The following SH3GL2 variants were observed in gnomAD, a reference collection of about 807,000 sequenced individuals.
The protein encoded by SH3GL2 is endophilin-A1.
Under a neutral mutation model 46.0 loss-of-function variants are expected in SH3GL2, and 24 were observed. The observed-to-expected ratio is 0.52, with a 90% CI of 0.38 to 0.73. The LOEUF (loss-of-function observed/expected upper bound fraction) is 0.73, where lower values mean the gene tolerates loss of function less well. SH3GL2 is among the 30% of genes least tolerant of loss of function. The probability of loss-of-function intolerance (pLI) is 0.00; values close to 1 mark genes in which losing one functional copy is unlikely to be tolerated. For synonymous variants in SH3GL2, 196 were observed against 147.1 expected (o/e 1.33, Z -2.40); for missense variants, 413 against 424.2 (o/e 0.97, Z 0.23).
intron 1 of SH3GL2, among the ~76,000 whole-genome samples, chr9:17,712,676 C>G (rs1262049311): frequency 2.0e-5 from 3 of 151,822 alleles, no homozygotes; most frequent in Admixed American, 6.6e-5. Flanking sequence ...TTTGTCTTTT[C>G]TGATGCCAAT....
intron 1 of SH3GL2, among the ~76,000 whole-genome samples, chr9:17,595,899 A>G (rs950502358): frequency 2.0e-5 from 3 of 152,196 alleles, no homozygotes; most frequent in Non-Finnish European, 4.4e-5. Context: ...TATTTTTTTA[A>G]TGAACATTTG....
chr9:17,749,365 T>G (rs1325702955), intron 2 of SH3GL2, among the ~76,000 whole-genome samples: 1 of 152,198 alleles, frequency 6.6e-6, no homozygotes, highest in Non-Finnish European at 1.5e-5. Context: ...TTCCTCACGC[T>G]TCATTTGAAC....
chr9:17,679,860 G>A lies in SH3GL2; in HGVS notation c.46-67206G>A, dbSNP rs554923956. On this transcript the variant is annotated intron_variant, in intron 1 of 8. Coordinates refer to ENST00000380607, the MANE Select transcript of SH3GL2 (RefSeq NM_003026.5). ...TGAAGGGCTGTTGAATTTTGTCAAA[G>A]GCCTTTTCTGCATCTCTTGAGATAA... Among the ~76,000 whole-genome samples the A allele has an allele frequency of 2.6e-5, 4 of 152,258 alleles. No individual in the cohort carries two copies. In the South Asian group the frequency reaches 6.2e-4, roughly 24 times the overall value.
At chr9:17,616,557 G>C (rs1819004574) in intron 1 of SH3GL2, among the ~76,000 whole-genome samples, 1 of 152,146 alleles carries the variant, frequency 6.6e-6, no homozygotes, top group Admixed American at 6.6e-5. Flanking sequence ...CTGGGGGTCT[G>C]AGAGTCAGAG....
chr9:17,698,698 C>G (rs1345405050), intron 1 of SH3GL2, among the ~76,000 whole-genome samples: 1 of 152,148 alleles, frequency 6.6e-6, no homozygotes, highest in African/African-American at 2.4e-5. Context: ...GACTTTGTTT[C>G]TGCTTATGCA....
chr9:17,790,848 A>C (rs553134918), intron 6 of SH3GL2, among the ~76,000 whole-genome samples: 1 of 152,318 alleles, frequency 6.6e-6, no homozygotes, highest in African/African-American at 2.4e-5. Flanking sequence ...CGATATTAAC[A>C]GCATGAAAAG....
chr9:17,603,658 C>G (rs575463068), intron 1 of SH3GL2, among the ~76,000 whole-genome samples: 96 of 152,158 alleles, frequency 6.3e-4, no homozygotes, highest in African/African-American at 2.1e-3. Flanking sequence ...GTCAGGGGTT[C>G]GAGACCAGCC....
At chr9:17,656,058 T>G (rs1820067377) in intron 1 of SH3GL2, among the ~76,000 whole-genome samples, 1 of 152,192 alleles carries the variant, frequency 6.6e-6, no homozygotes, top group Admixed American at 6.5e-5. Context: ...CTGAAAAAGT[T>G]AAAACTCAGT....
At chr9:17,648,972 C>A (rs942535502) in intron 1 of SH3GL2, among the ~76,000 whole-genome samples, 3 of 152,200 alleles carry the variant, frequency 2.0e-5, no homozygotes, top group African/African-American at 4.8e-5. Context: ...TTATCTATCT[C>A]TGAATAGAAC....
intron 3 of SH3GL2, among the ~76,000 whole-genome samples, chr9:17,762,518 T>G (rs1317680212): frequency 1.3e-5 from 2 of 152,124 alleles, no homozygotes; most frequent in Non-Finnish European, 2.9e-5. Context: ...CCATCCTTAT[T>G]CACCTATGAC....
chr9:17,778,733 G>C (rs1445247077), intron 3 of SH3GL2, among the ~76,000 whole-genome samples: 2 of 152,100 alleles, frequency 1.3e-5, no homozygotes, highest in Non-Finnish European at 2.9e-5. Context: ...GCTTAGACCA[G>C]AGTGAGAAAC....
intron 3 of SH3GL2, among the ~76,000 whole-genome samples, chr9:17,779,404 G>C (rs754329097): frequency 5.3e-5 from 8 of 152,116 alleles, no homozygotes; most frequent in Admixed American, 1.3e-4. Flanking sequence ...GAGTGGCTCA[G>C]ACCTGAGCCT....
intron 1 of SH3GL2, among the ~76,000 whole-genome samples, chr9:17,683,998 A>G (rs1820841120): frequency 6.6e-6 from 1 of 152,120 alleles, no homozygotes; most frequent in South Asian, 2.1e-4. Flanking sequence ...TACATACCTC[A>G]GTCTCTATAG....
intron 1 of SH3GL2, among the ~76,000 whole-genome samples, chr9:17,593,803 G>T (rs1818525377): frequency 6.6e-6 from 1 of 152,166 alleles, no homozygotes; most frequent in African/African-American, 2.4e-5. Flanking sequence ...AGAAAATGGT[G>T]CAATACCATC....
intron 1 of SH3GL2, among the ~76,000 whole-genome samples, chr9:17,664,606 AAAGC>A (rs1181045953): frequency 6.6e-6 from 1 of 152,032 alleles, no homozygotes; most frequent in Non-Finnish European, 1.5e-5. Flanking sequence ...GTTTGACAAA[AAAGC>A]AAGTGATAGT....
intron 1 of SH3GL2, among the ~76,000 whole-genome samples, chr9:17,663,095 G>A (rs1255604534): frequency 6.6e-6 from 1 of 152,060 alleles, no homozygotes; most frequent in Non-Finnish European, 1.5e-5. Context: ...TCAGGCTTTG[G>A]GTCTTAACAA....
At chr9:17,786,101 A>T (rs1244104575) in intron 3 of SH3GL2, among the ~76,000 whole-genome samples, 1 of 152,136 alleles carries the variant, frequency 6.6e-6, no homozygotes, top group Non-Finnish European at 1.5e-5. Context: ...GAGGATGGGG[A>T]AGGGCACACA....
At chr9:17,722,688 A>G (rs1470369179) in intron 1 of SH3GL2, among the ~76,000 whole-genome samples, 2 of 152,040 alleles carry the variant, frequency 1.3e-5, no homozygotes, top group Admixed American at 6.6e-5. Context: ...CAAATAGCTC[A>G]TCGGAGTTTA....
At chr9:17,679,058 G>A (rs1290549929) in intron 1 of SH3GL2, among the ~76,000 whole-genome samples, 2 of 152,094 alleles carry the variant, frequency 1.3e-5, no homozygotes, top group African/African-American at 4.8e-5. Context: ...TTTGAAGTCA[G>A]GTAGTGTGAT....
Sources: gnomAD v4.1 joint callset for allele counts (sites outside exome capture counted in the v4.1 genomes callset) on GRCh38, gnomAD v4.1.1 for gene constraint, MANE v1.5 for transcripts, NCBI Gene and HGNC (gene_info 2026-07-23, HGNC 2026-07-21) for gene names.